FAM114A1: variants seen among roughly 807,000 people sequenced by gnomAD.
FAM114A1 encodes family with sequence similarity 114 member A1.
In FAM114A1, 62 loss-of-function variants were observed where a neutral mutation model predicts 64.3. The observed-to-expected ratio is 0.96, with a 90% CI of 0.79 to 1.19. The LOEUF is 1.19. FAM114A1 is among the 50% of genes most tolerant of loss of function. The pLI is 0.00. For missense variants in FAM114A1, 645 were observed against 676.3 expected (o/e 0.95, Z 0.51); for synonymous variants, 254 against 251.1 (o/e 1.01, Z -0.11).
Position 38,905,778 on chromosome 4 carries a change from G to A in FAM114A1, c.574G>A (p.Gly192Ser), listed in dbSNP as rs144537370. The A allele has an allele frequency of 7.0e-5, 113 of 1,613,734 alleles. No homozygotes were observed. The highest frequency in any genetic ancestry group is 9.3e-5 in the Non-Finnish European group (110 of 1,179,976). ...AGTAACAGATGCAGCCACAGATCAG[G>A]GCCCTGCAGAAAGCCCACCCACTTC... is the stretch of plus-strand genomic sequence containing the variant. ...PEITDAATDQ[G>S]PAESPPTSPS... is the part of the protein sequence containing the mutation. Residue 192 changes from glycine (G) to serine (S), a missense_variant, in exon 6 of 15, where the codon GGC becomes AGC. Gly to Ser is a moderately conservative substitution (Grantham distance 56). Transcript: ENST00000358869.
At chr4:38,906,662 G>A (rs562051278) in intron 6 of FAM114A1, among the ~76,000 whole-genome samples, 1 of 152,220 alleles carries the variant, frequency 6.6e-6, no homozygotes, top group South Asian at 2.1e-4. Flanking sequence ...AGCCTCCCAA[G>A]TAGCTGGGAT....
intron 3 of FAM114A1, among the ~76,000 whole-genome samples, chr4:38,890,443 G>A (rs892898946): frequency 1.3e-5 from 2 of 151,516 alleles, no homozygotes; most frequent in African/African-American, 4.9e-5. Context: ...GTTGGGAGTT[G>A]GGGATGACTA....
At chr4:38,930,424 G>A (rs1720535000) in intron 10 of FAM114A1, among the ~76,000 whole-genome samples, 2 of 152,126 alleles carry the variant, frequency 1.3e-5, no homozygotes, top group Admixed American at 1.3e-4. Flanking sequence ...ATTCTGGCAG[G>A]TCAGTGACTT....
At chr4:38,877,303 G>A (rs1358084041) in intron 2 of FAM114A1, among the ~76,000 whole-genome samples, 1 of 152,140 alleles carries the variant, frequency 6.6e-6, no homozygotes, top group African/African-American at 2.4e-5. Flanking sequence ...CTCACCACAA[G>A]GTAGAATCAG....
At chr4:38,904,970 C>T (rs758824202) in intron 4 of FAM114A1, among the ~76,000 whole-genome samples, 3 of 152,154 alleles carry the variant, frequency 2.0e-5, no homozygotes, top group African/African-American at 4.8e-5. Context: ...GTCACAATAA[C>T]TCAATGAGGA....
rs1721852326 is a variant in FAM114A1, at chr4:38,944,852, T to G, written c.*1295T>G. The G allele has an allele frequency of 6.6e-6, 1 of 151,786 alleles. No homozygotes were observed. Among genetic ancestry groups the G allele is most frequent in the South Asian group, 2.1e-4 (1 of 4,804 alleles). 9.4% of individuals were successfully genotyped at this position (151,786 alleles called of 1,614,324 possible). On this transcript the variant is annotated 3_prime_UTR_variant, in exon 15 of 15. Transcript: ENST00000358869. ...CGCTACCCCGAGTCCGTGAAAAAAT[T>G]GTCTTCCATGAAACCGGTCCCTGGT...
rs372951762 is a variant in FAM114A1, at chr4:38,878,329, G to A, written c.251G>A (p.Gly84Glu). The A allele has an allele frequency of 2.2e-5, 35 of 1,614,118 alleles. No individual in the cohort carries two copies. In the African/African-American group the frequency reaches 4.4e-4, roughly 20 times the overall value. Residue 84 changes from glycine (G) to glutamate (E), a missense_variant, in exon 3 of 15, where the codon GGA (glycine) becomes GAA (glutamate). By Grantham distance (98) the Gly-to-Glu change is moderately conservative. Transcript: ENST00000358869. ...AACGCCCTGGAGCCCCCTCTCAATG[G>A]AGACGTGACTGAGGATACACTTGCT... ...DANALEPPLN[G>E]DVTEDTLAEC...
At chr4:38,940,908 C>T (rs569458740) in intron 13 of FAM114A1, 60 bp from the exon 14 acceptor site, 35 of 1,544,036 alleles carry the variant, frequency 2.3e-5, no homozygotes, top group Middle Eastern at 1.7e-4. Flanking sequence ...TTACATTTTA[C>T]GTGGCAAGCC....
chr4:38,919,116 G>C (rs1028156725), intron 8 of FAM114A1, among the ~76,000 whole-genome samples: 63 of 152,332 alleles, frequency 4.1e-4, no homozygotes, highest in African/African-American at 1.4e-3. Flanking sequence ...TCACACCACT[G>C]CACTGCAGCC....
chr4:38,881,528 C>A (rs1199567393), intron 3 of FAM114A1, among the ~76,000 whole-genome samples: 3 of 152,108 alleles, frequency 2.0e-5, no homozygotes, highest in African/African-American at 7.2e-5. Context: ...GGGACAGTAC[C>A]TGTGAGTTTG....
chr4:38,910,747 C>T (rs1252094905), intron 7 of FAM114A1, among the ~76,000 whole-genome samples: 1 of 152,136 alleles, frequency 6.6e-6, no homozygotes, highest in African/African-American at 2.4e-5. Context: ...AGGGAGAACT[C>T]ACGCAAAGGC....
chr4:38,935,734 T>A lies in FAM114A1; in HGVS notation c.1480T>A (p.Cys494Ser). 6.2e-7 allele frequency: 1 copy of A among 1,610,348 alleles called. No individual in the cohort carries two copies. Among genetic ancestry groups the A allele is most frequent in the African/African-American group, 1.3e-5 (1 of 74,772 alleles). Residue 494 changes from cysteine (C) to serine (S), a missense_variant, in exon 13 of 15, where the codon TGC (cysteine) becomes AGC (serine). Cys to Ser is a moderately radical substitution (Grantham distance 112). Transcript: ENST00000358869. ...KVLIKLTTAM[C>S]NEVASLSKKF... ...TTCTTTCAGATTAACTACTGCAATG[T>A]GCAATGAAGTGGCCTCTTTATCAAA...
chr4:38,871,086 C>CTTTTTTTTTTTTTTT (rs9306968), intron 2 of FAM114A1, among the ~76,000 whole-genome samples: 6 of 93,998 alleles, frequency 6.4e-5, no homozygotes, highest in Non-Finnish European at 1.2e-4. Flanking sequence ...TTTTTTCTTT[C>CTTTTTTTTTTTTTTT]TTTTTTTTTT....
At chr4:38,922,084 G>A (rs1172831798) in intron 8 of FAM114A1, among the ~76,000 whole-genome samples, 1 of 152,166 alleles carries the variant, frequency 6.6e-6, no homozygotes, top group Non-Finnish European at 1.5e-5. Context: ...TGGGATTACA[G>A]GCATGCACCA....
intron 13 of FAM114A1, among the ~76,000 whole-genome samples, chr4:38,936,181 C>T (rs1284090951): frequency 6.6e-6 from 1 of 151,772 alleles, no homozygotes; most frequent in Non-Finnish European, 1.5e-5. Context: ...CAAGCTCTGC[C>T]TCCCAGGCTC....
At chr4:38,916,151 A>G (rs1343155645) in intron 8 of FAM114A1, among the ~76,000 whole-genome samples, 1 of 152,242 alleles carries the variant, frequency 6.6e-6, no homozygotes, top group East Asian at 1.9e-4. Context: ...GCCACATAAC[A>G]GGCAACCAAG....
intron 4 of FAM114A1, among the ~76,000 whole-genome samples, chr4:38,902,234 A>G (rs186800288): frequency 6.6e-6 from 1 of 152,306 alleles, no homozygotes; most frequent in Admixed American, 6.5e-5. Flanking sequence ...AATATCCCTT[A>G]CCTCATAAGA....
Position 38,916,463 on chromosome 4 carries a change from G to A in FAM114A1, c.945+1390G>A, listed in dbSNP as rs188579374. Among the ~76,000 whole-genome samples, 40 of 152,298 alleles carry A rather than the reference G, an allele frequency of 2.6e-4. No homozygotes were observed. The East Asian group carries it at 4.2e-3, about 16-fold the overall frequency. Reference sequence around the variant, plus strand: ...AGTAATATGTATGTGGCTATACACCGTGGAATACTATGCAGCCATAAAAAA... The same window carrying A: ...AGTAATATGTATGTGGCTATACACCATGGAATACTATGCAGCCATAAAAAA... On this transcript the variant is annotated intron_variant, in intron 8 of 14. Transcript: ENST00000358869.
At chr4:38,873,719 G>A (rs899086888) in intron 2 of FAM114A1, among the ~76,000 whole-genome samples, 2 of 152,218 alleles carry the variant, frequency 1.3e-5, no homozygotes, top group Non-Finnish European at 2.9e-5. Flanking sequence ...GTCTCTTGTG[G>A]ATGTGCCAGG....
Sources: allele counts gnomAD v4.1 joint callset (sites outside exome capture counted in the v4.1 genomes callset), GRCh38; gene constraint gnomAD v4.1.1; transcripts MANE v1.5; gene names NCBI Gene and HGNC (gene_info 2026-07-23, HGNC 2026-07-21).